Variants in NCOA1 observed in about 807,000 individuals in gnomAD.
The protein encoded by NCOA1 is Hin-2 protein.
NCOA1 carries 35 observed loss-of-function variants against 150.9 expected under a neutral mutation model. That is an observed-to-expected ratio of 0.23 (90% CI 0.18 to 0.31). NCOA1 has a LOEUF of 0.31. NCOA1 is among the 10% of genes least tolerant of loss of function. The probability of loss-of-function intolerance (pLI) is 1.00; values close to 1 mark genes in which losing one functional copy is unlikely to be tolerated. For missense variants in NCOA1, 1,491 were observed against 1,749.3 expected (o/e 0.85, Z 2.63); for synonymous variants, 590 against 630.0 (o/e 0.94, Z 0.95).
chr2:24,765,340 CA>C (rs375545013), intron 22 of NCOA1, among the ~76,000 whole-genome samples: 30 of 134,184 alleles, frequency 2.2e-4, no homozygotes, highest in Middle Eastern at 5.2e-3. Context: ...TGTTAAAATA[CA>C]AAAAAAAATT....
chr2:24,711,064 C>T lies in NCOA1; in HGVS notation c.2552C>T (p.Pro851Leu), dbSNP rs1417546346. Residue 851 changes from proline to leucine, a missense_variant, in exon 14 of 23, where the codon CCA (proline) becomes CTA (leucine). Pro to Leu is a moderately conservative substitution (Grantham distance 98). Around this residue, in one of 8 missense-constraint regions of NCOA1, gnomAD observed 703 missense variants for 717.7 expected, o/e 0.98. Transcript: ENST00000348332. ...GTAACCATCAAATCGGAGATCCTGC[C>T]AGCTTCACTTCAGTCCGCCACTGCC... ...TSVTIKSEIL[P>L]ASLQSATARP... 3 of 1,614,042 alleles carry T rather than the reference C, an allele frequency of 1.9e-6. No homozygotes were observed. Among genetic ancestry groups the T allele is most frequent in the Non-Finnish European group, 2.5e-6 (3 of 1,180,030 alleles).
Position 24,599,086 on chromosome 2 carries a change from A to G in NCOA1, c.-175+14526A>G, listed in dbSNP as rs190652245. 1.4e-4 allele frequency among the ~76,000 whole-genome samples: 21 copies of G among 152,306 alleles called. No homozygotes were observed. The East Asian group carries it at 4.0e-3, about 29-fold the overall frequency. On this transcript the variant is annotated intron_variant, in intron 3 of 22. Transcript: ENST00000348332. Reference sequence around the variant, plus strand: ...AGAACTTTGTGATTTAATGTTGGAGACAACACAAGAGAGGATATACTGATT... The same window carrying G: ...AGAACTTTGTGATTTAATGTTGGAGGCAACACAAGAGAGGATATACTGATT...
intron 1 of NCOA1, among the ~76,000 whole-genome samples, chr2:24,521,234 C>T (rs150516811): frequency 1.3e-3 from 201 of 152,256 alleles, no homozygotes; most frequent in Non-Finnish European, 2.3e-3. Flanking sequence ...GCATATCGGT[C>T]ACCTCACATA....
intron 3 of NCOA1, among the ~76,000 whole-genome samples, chr2:24,602,336 G>A (rs1195799782): frequency 2.6e-5 from 4 of 151,966 alleles, no homozygotes; most frequent in Non-Finnish European, 4.4e-5. Context: ...CAGTAGCTGG[G>A]ACTACAGGGG....
intron 14 of NCOA1, among the ~76,000 whole-genome samples, chr2:24,718,639 C>G (rs1358311492): frequency 6.6e-6 from 1 of 150,836 alleles, no homozygotes; most frequent in African/African-American, 2.4e-5. Context: ...CAAGACCAGT[C>G]TGGCCAACAT....
chr2:24,545,310 G>C (rs1347885548), intron 1 of NCOA1, among the ~76,000 whole-genome samples: 1 of 152,138 alleles, frequency 6.6e-6, no homozygotes, highest in Non-Finnish European at 1.5e-5. Context: ...TTGGTAAAGG[G>C]ATACAGGAGC....
intron 1 of NCOA1, among the ~76,000 whole-genome samples, chr2:24,562,800 A>G (rs1666340174): frequency 1.3e-5 from 2 of 152,200 alleles, no homozygotes; most frequent in Non-Finnish European, 2.9e-5. Context: ...CAAGATTTTG[A>G]AACTGGAGAT....
intron 2 of NCOA1, among the ~76,000 whole-genome samples, chr2:24,580,711 C>T (rs924757406): frequency 2.0e-5 from 3 of 152,050 alleles, no homozygotes; most frequent in Admixed American, 6.6e-5. Context: ...GTAATGGCTC[C>T]TTGAGTCATT....
At chr2:24,725,720 T>C (rs1572646246) in intron 14 of NCOA1, among the ~76,000 whole-genome samples, 1 of 13,878 alleles carries the variant, frequency 7.2e-5, no homozygotes, top group Non-Finnish European at 6.4e-4. Flanking sequence ...TGTGCGTGTG[T>C]GTGTGTGTGT....
chr2:24,535,720 G>T (rs1055341756), intron 1 of NCOA1, among the ~76,000 whole-genome samples: 4 of 152,252 alleles, frequency 2.6e-5, no homozygotes, highest in East Asian at 1.9e-4. Flanking sequence ...GCTTAGTTTG[G>T]CTGGATATGA....
intron 3 of NCOA1, among the ~76,000 whole-genome samples, chr2:24,603,185 A>AT (rs1438444136): frequency 5.6e-5 from 6 of 107,966 alleles, no homozygotes; most frequent in Admixed American, 3.7e-4. Flanking sequence ...TGTCTAAAAA[A>AT]ATATATATAC....
At chr2:24,505,563 A>G (rs999083624) in intron 1 of NCOA1, among the ~76,000 whole-genome samples, 6 of 152,246 alleles carry the variant, frequency 3.9e-5, no homozygotes, top group Non-Finnish European at 5.9e-5. Flanking sequence ...ATGGAAGTAT[A>G]TAGAGTTAAA....
chr2:24,612,655 T>C (rs1668682182), intron 3 of NCOA1, among the ~76,000 whole-genome samples: 1 of 152,154 alleles, frequency 6.6e-6, no homozygotes, highest in African/African-American at 2.4e-5. Flanking sequence ...GCTCTGAAAT[T>C]CTTTCTTCTG....
At chr2:24,714,362 C>T (rs1673911797) in intron 14 of NCOA1, among the ~76,000 whole-genome samples, 1 of 148,100 alleles carries the variant, frequency 6.8e-6, no homozygotes, top group Non-Finnish European at 1.5e-5. Context: ...GACCCATACC[C>T]AAACAAAGTC....
At chr2:24,579,994 A>G (rs1434183011) in intron 2 of NCOA1, among the ~76,000 whole-genome samples, 2 of 152,200 alleles carry the variant, frequency 1.3e-5, no homozygotes, top group Non-Finnish European at 2.9e-5. Flanking sequence ...AACCAGAACA[A>G]GAGAAAAAAC....
At chr2:24,741,076 T>C (rs769301735) in intron 18 of NCOA1, among the ~76,000 whole-genome samples, 11 of 152,212 alleles carry the variant, frequency 7.2e-5, no homozygotes, top group Non-Finnish European at 1.5e-4. Context: ...ATTTTATTTC[T>C]ACTTATTTTC....
rs1674639310 is a variant in NCOA1, at chr2:24,726,655, T to C, written c.2666T>C (p.Ile889Thr). 1.2e-6 allele frequency: 2 copies of C among 1,611,262 alleles called. No homozygotes were observed. The highest frequency in any genetic ancestry group is 1.7e-5 in the Admixed American group (1 of 59,604). The change falls in exon 15 of 23, where the codon ATT becomes ACT. Residue 889 changes from isoleucine to threonine, a missense_variant. By Grantham distance (89) the Ile-to-Thr change is moderately conservative. Around this residue, in one of 8 missense-constraint regions of NCOA1, gnomAD observed 703 missense variants for 717.7 expected, o/e 0.98. Coordinates refer to ENST00000348332, the MANE Select transcript of NCOA1 (RefSeq NM_003743.5). The stretch of plus-strand genomic sequence containing the variant: ...GGACAACCAGGAACAGGCGATCAGA[T>C]TCCATGGACAAATAATACAGTGACA... ...QFGQPGTGDQ[I>T]PWTNNTVTAI... is the part of the protein sequence containing the mutation.
intron 1 of NCOA1, among the ~76,000 whole-genome samples, chr2:24,535,225 ATC>A (rs1665075106): frequency 6.6e-6 from 1 of 151,380 alleles, no homozygotes; most frequent in South Asian, 2.1e-4. Context: ...GTCTCTTTTG[ATC>A]TTTGTTGGTT....
chr2:24,663,815 T>C (rs188094614), intron 5 of NCOA1, among the ~76,000 whole-genome samples: 1 of 152,230 alleles, frequency 6.6e-6, no homozygotes, highest in Non-Finnish European at 1.5e-5. Flanking sequence ...TTTAGCTTCT[T>C]GCTTTCTCTA....
Sources: gnomAD v4.1 joint callset for allele counts (sites outside exome capture counted in the v4.1 genomes callset) on GRCh38, gnomAD v4.1.1 for gene constraint, gnomAD v4.1.1 regional missense constraint, MANE v1.5 for transcripts, NCBI Gene and HGNC (gene_info 2026-07-23, HGNC 2026-07-21) for gene names.